Variants in NEDD4 observed in about 807,000 individuals in gnomAD.
NEDD4 encodes the protein E3 ubiquitin-protein ligase NEDD4.
A neutral mutation model predicts 144.9 loss-of-function variants in NEDD4; 99 were observed. The ratio of observed to expected loss-of-function variants is 0.68; its 90% CI spans 0.58 to 0.81. The LOEUF (loss-of-function observed/expected upper bound fraction) is 0.81. NEDD4 is among the 30% of genes least tolerant of loss of function. The pLI is 0.00. For synonymous variants in NEDD4, 318 were observed against 350.6 expected (o/e 0.91, Z 1.04); for missense variants, 985 against 1,065.9 (o/e 0.92, Z 1.06).
chr15:55,883,459 T>G (rs959601553), intron 5 of NEDD4, among the ~76,000 whole-genome samples: 1 of 152,118 alleles, frequency 6.6e-6, no homozygotes, highest in Non-Finnish European at 1.5e-5. Context: ...CAAGGTAACT[T>G]GCTGCCCTGA....
At chr15:55,974,737 A>AAC (rs56960244) in intron 1 of NEDD4, among the ~76,000 whole-genome samples, 21,729 of 150,622 alleles carry the variant, frequency 0.14, 1,672 homozygotes, top group East Asian at 0.31. Context: ...AAAAAAAAAA[A>AAC]CCCTCAAAAA....
chr15:55,956,822 T>G (rs1357275759), intron 2 of NEDD4, among the ~76,000 whole-genome samples: 1 of 152,208 alleles, frequency 6.6e-6, no homozygotes, highest in Non-Finnish European at 1.5e-5. Context: ...GAAATCAGCT[T>G]ATCAATTTCT....
intron 2 of NEDD4, among the ~76,000 whole-genome samples, chr15:55,955,819 T>TC (rs1396858801): frequency 6.0e-5 from 9 of 150,642 alleles, no homozygotes; most frequent in South Asian, 2.1e-4. Flanking sequence ...ACTACATTTT[T>TC]TTTTTTTTTT....
At position 55,834,126 on chromosome 15, in the gene NEDD4, C is replaced by T; in HGVS notation, c.2342G>A (p.Gly781Glu). 6.2e-7 allele frequency: 1 copy of T among 1,613,524 alleles called. No homozygotes were observed. The change falls in exon 26 of 29, where the codon GGA (glycine) becomes GAA (glutamate). Residue 781 changes from glycine to glutamate, a missense_variant. By Grantham distance (98) the Gly-to-Glu change is moderately conservative. Coordinates refer to ENST00000435532, the MANE Select transcript of NEDD4 (RefSeq NM_006154.4). Reference protein sequence around the residue: ...NELELLMCGLGDVDVNDWREH... With the variant: ...NELELLMCGLEDVDVNDWREH... Reference sequence around the variant, plus strand: ...CCTCCAGTCATTCACATCAACATCTCCCAGTCCACACATAAGAAGCTACAT... The same window carrying T: ...CCTCCAGTCATTCACATCAACATCTTCCAGTCCACACATAAGAAGCTACAT...
intron 4 of NEDD4, among the ~76,000 whole-genome samples, chr15:55,925,700 T>A (rs1224627937): frequency 6.6e-6 from 1 of 152,194 alleles, no homozygotes; most frequent in Non-Finnish European, 1.5e-5. Context: ...AGTCCTATGC[T>A]TGTGACAAAG....
Position 55,862,496 on chromosome 15 carries a change from C to T in NEDD4, c.674+417G>A, listed in dbSNP as rs536923073. 7.2e-5 allele frequency among the ~76,000 whole-genome samples: 11 copies of T among 152,146 alleles called. No individual in the cohort carries two copies. In the South Asian group the frequency reaches 2.3e-3, roughly 32 times the overall value. On this transcript the variant is annotated intron_variant, in intron 9 of 28. Coordinates refer to ENST00000435532, the MANE Select transcript of NEDD4 (RefSeq NM_006154.4). ...TCAAATGCGCGTTTAACGTAATACC[C>T]TTATTATTGAGTCCTTTATATTTTA...
intron 5 of NEDD4, among the ~76,000 whole-genome samples, chr15:55,911,408 A>C (rs896547070): frequency 6.6e-6 from 1 of 152,090 alleles, no homozygotes; most frequent in Non-Finnish European, 1.5e-5. Flanking sequence ...ACTCGGTTCA[A>C]ATGTCACCTC....
intron 14 of NEDD4, among the ~76,000 whole-genome samples, 188 bp downstream of exon 14, chr15:55,850,354 A>G (rs1362862452): frequency 3.3e-5 from 5 of 152,244 alleles, no homozygotes; most frequent in Admixed American, 1.3e-4. Context: ...ATCATAATCC[A>G]AAACAATATT....
At chr15:55,981,706 T>C (rs867397447) in intron 1 of NEDD4, among the ~76,000 whole-genome samples, 52 of 152,300 alleles carry the variant, frequency 3.4e-4, no homozygotes, top group African/African-American at 1.3e-3. Context: ...ACTAGCAGTA[T>C]GAACATCACA....
At chr15:55,919,226 TC>T (rs1415832431) in intron 5 of NEDD4, among the ~76,000 whole-genome samples, 1 of 152,126 alleles carries the variant, frequency 6.6e-6, no homozygotes, top group East Asian at 1.9e-4. Flanking sequence ...CAGATAGAAG[TC>T]TGGATGGAGA....
chr15:55,863,495 G>T (rs1171220285), intron 8 of NEDD4, among the ~76,000 whole-genome samples: 4 of 152,064 alleles, frequency 2.6e-5, no homozygotes, highest in Non-Finnish European at 5.9e-5. Context: ...TAATTAGCCT[G>T]ATTTAATCAT....
At chr15:55,882,453 G>A (rs957236407) in intron 5 of NEDD4, among the ~76,000 whole-genome samples, 2 of 152,188 alleles carry the variant, frequency 1.3e-5, no homozygotes, top group Admixed American at 6.5e-5. Flanking sequence ...ACTCAGCCAT[G>A]GTCCATGAAG....
chr15:55,920,847 C>G (rs1351105271), intron 5 of NEDD4, among the ~76,000 whole-genome samples: 1 of 151,260 alleles, frequency 6.6e-6, no homozygotes, highest in Non-Finnish European at 1.5e-5. Flanking sequence ...TCTATACCTC[C>G]CTTACCTGCT....
chr15:55,836,698 T>C (rs1301698618), intron 24 of NEDD4, among the ~76,000 whole-genome samples: 1 of 152,104 alleles, frequency 6.6e-6, no homozygotes, highest in African/African-American at 2.4e-5. Context: ...GCTAATTTTT[T>C]TGTATTTTTA....
chr15:55,932,799 C>G (rs113099843), intron 4 of NEDD4, among the ~76,000 whole-genome samples: 4,419 of 151,834 alleles, frequency 0.029, 70 homozygotes, highest in Non-Finnish European at 0.035. Flanking sequence ...CCAAAATCTA[C>G]AAAGAACTTA....
intron 5 of NEDD4, 92 bp downstream of exon 5, chr15:55,924,554 A>T (rs2271288): frequency 0.13 from 142,927 of 1,094,550 alleles, 10,338 homozygotes; most frequent in East Asian, 0.32. Context: ...CCAAGCCATC[A>T]CTCAAATCCC....
chr15:55,891,006 A>G (rs1215093719), intron 5 of NEDD4, among the ~76,000 whole-genome samples: 1 of 152,248 alleles, frequency 6.6e-6, no homozygotes, highest in Non-Finnish European at 1.5e-5. Context: ...AGGGACAGAA[A>G]GAAAACTCAT....
At chr15:55,842,222 T>C (rs2033547008) in intron 18 of NEDD4, 59 bp from the exon 19 acceptor site, 2 of 1,403,762 alleles carry the variant, frequency 1.4e-6, no homozygotes, top group South Asian at 2.4e-5. Context: ...AACAAACCCA[T>C]CTCTCATAAA....
chr15:55,908,607 T>C (rs1457862836), intron 5 of NEDD4, among the ~76,000 whole-genome samples: 2 of 152,206 alleles, frequency 1.3e-5, no homozygotes, highest in Non-Finnish European at 2.9e-5. Context: ...AGGCCCCCAT[T>C]CTGAGACCTA....
Sources: gnomAD v4.1 joint callset for allele counts (sites outside exome capture counted in the v4.1 genomes callset) on GRCh38, gnomAD v4.1.1 for gene constraint, MANE v1.5 for transcripts, NCBI Gene and HGNC (gene_info 2026-07-23, HGNC 2026-07-21) for gene names.